The following SPARC variants were observed in gnomAD, a reference collection of about 807,000 sequenced individuals.
SPARC encodes the protein secreted protein acidic and cysteine rich, also known as basement-membrane protein 40.
Under a neutral mutation model 37.7 loss-of-function variants are expected in SPARC, and 23 were observed. The ratio of observed to expected loss-of-function variants is 0.61; its 90% CI spans 0.44 to 0.87. The LOEUF (loss-of-function observed/expected upper bound fraction) is 0.87, where lower values mean the gene tolerates loss of function less well. Among genes scored for constraint, SPARC ranks in the 40% least tolerant of loss-of-function variants. SPARC has a pLI of 0.00. For synonymous variants in SPARC, 155 were observed against 150.8 expected (o/e 1.03, Z -0.20); for missense variants, 312 against 389.0 (o/e 0.80, Z 1.66).
Position 151,675,470 on chromosome 5 carries a change from C to G in SPARC, c.57+662G>C, listed in dbSNP as rs1369706707. Among the ~76,000 whole-genome samples, 6 of 152,228 alleles carry G rather than the reference C, an allele frequency of 3.9e-5. 1 individual carries two copies. Among genetic ancestry groups the G allele is most frequent in the Admixed American group, 1.3e-4 (2 of 15,290 alleles). ...CTGGCCAAGAAGCTGGCTCAGGACC[C>G]AAGCTCAGCCAGATTGGCTCTCATT... On this transcript the variant is annotated intron_variant, in intron 2 of 9. Coordinates refer to ENST00000231061, the MANE Select transcript of SPARC (RefSeq NM_003118.4).
intron 1 of SPARC, among the ~76,000 whole-genome samples, chr5:151,680,253 G>T: frequency 2.2e-5 from 2 of 89,466 alleles, no homozygotes; most frequent in East Asian, 6.0e-4. Context: ...TTGAGACACG[G>T]TCTCCCTCTG....
chr5:151,685,412 C>CTT (rs1761111774), intron 1 of SPARC, among the ~76,000 whole-genome samples: 6 of 139,366 alleles, frequency 4.3e-5, no homozygotes, highest in African/African-American at 1.7e-4. Context: ...TCTCTCTCTC[C>CTT]CTCTCTCTCT....
intron 6 of SPARC, among the ~76,000 whole-genome samples, chr5:151,668,475 C>A (rs1183715899): frequency 2.6e-5 from 4 of 152,126 alleles, no homozygotes; most frequent in Non-Finnish European, 5.9e-5. Flanking sequence ...TTGTACTGGA[C>A]TTATTAGAGG....
In SPARC at chr5:151,663,466, C is replaced by A; in HGVS notation, c.*105G>T. The A allele has an allele frequency of 9.0e-7, 1 of 1,115,162 alleles. No homozygotes were observed. The highest frequency in any genetic ancestry group is 1.4e-6 in the Non-Finnish European group (1 of 736,254). The allele number at this position is 1,115,162 out of a possible 1,614,324, so 69.1% of individuals were successfully genotyped here. ...GTATTCACTTAAATCTATGTTAGCA[C>A]CTTGTCTCCAGGCAGAACAACAAAC... On this transcript the variant is annotated 3_prime_UTR_variant, in exon 10 of 10. Transcript: ENST00000231061.
rs375269220 is a variant in SPARC at position 151,676,309 on chromosome 5, T to A, written c.-13-108A>T. 3.1e-3 allele frequency: 2,248 copies of A among 730,622 alleles called. 7 individuals are homozygous for A. The highest frequency in any genetic ancestry group is 3.9e-3 in the Non-Finnish European group (1,690 of 432,638). The allele number at this position is 730,622 out of a possible 1,614,324, so 45.3% of individuals were successfully genotyped here. A position where few individuals can be genotyped will look rare whatever the true frequency, so the allele number is the denominator to read the frequency against. On this transcript the variant is annotated intron_variant, in intron 1 of 9. Coordinates refer to ENST00000231061, the MANE Select transcript of SPARC (RefSeq NM_003118.4). The stretch of plus-strand genomic sequence containing the variant: ...ATAATGTTAGATGGTACAAGTTAAA[T>A]GATAGTGAAAAACATGAGGAGGTTG...
chr5:151,663,684 A>T (rs1760562821), intron 9 of SPARC, 85 bp from the exon 10 acceptor site: 1 of 1,364,212 alleles, frequency 7.3e-7, no homozygotes, highest in Non-Finnish European at 1.0e-6. Context: ...ACTCCCACCC[A>T]TCCCCAGGGG....
chr5:151,671,548 C>G, intron 5 of SPARC, 25 bp downstream of exon 5: 2 of 1,545,298 alleles, frequency 1.3e-6, no homozygotes, highest in Non-Finnish European at 1.7e-6. Flanking sequence ...ATCCCTTCCC[C>G]CTGCCCCTGT....
chr5:151,668,830 C>G (rs1471020270), intron 6 of SPARC, among the ~76,000 whole-genome samples: 1 of 152,174 alleles, frequency 6.6e-6, no homozygotes. Flanking sequence ...TTCTCAATTT[C>G]ATACCTGGGG....
Position 151,664,214 on chromosome 5 carries a change from C to T in SPARC, c.756G>A (p.Leu252=), listed in dbSNP as rs1760576898. Residue 252 remains leucine, a synonymous_variant, in exon 9 of 10, where the codon CTG becomes CTA. Transcript: ENST00000231061. ...GGATGAGGGGAGCACGCAGTGGAGC[C>T]AGCTCGGTGTGGGAGAGGTACCTGC... The part of the protein sequence containing the change: ...PIDGYLSHTE[L]APLRAPLIPM... The T allele has an allele frequency of 1.9e-6, 3 of 1,614,076 alleles. No homozygotes were observed. In the East Asian group the frequency reaches 6.7e-5, roughly 36 times the overall value.
At chr5:151,681,406 C>G (rs1488733219) in intron 1 of SPARC, among the ~76,000 whole-genome samples, 1 of 152,322 alleles carries the variant, frequency 6.6e-6, no homozygotes, top group Admixed American at 6.5e-5. Context: ...AGGGGAGTCT[C>G]CTCTGCTCTC....
chr5:151,667,374 G>T, intron 7 of SPARC, 93 bp downstream of exon 7: 2 of 1,465,860 alleles, frequency 1.4e-6, no homozygotes, highest in Non-Finnish European at 1.9e-6. Context: ...ACGCTCCGGA[G>T]CAGGATGCCG....
intron 2 of SPARC, among the ~76,000 whole-genome samples, chr5:151,675,249 G>A (rs1033375634): frequency 6.6e-6 from 1 of 152,204 alleles, no homozygotes; most frequent in East Asian, 1.9e-4. Context: ...AAGATTGCCA[G>A]GGTCTGCCAT....
chr5:151,663,695 C>T, intron 9 of SPARC, 96 bp from the exon 10 acceptor site: 1 of 1,288,618 alleles, frequency 7.8e-7, no homozygotes, highest in Non-Finnish European at 1.1e-6. Flanking sequence ...TCCCCAGGGG[C>T]AGGGGTCTAG....
chr5:151,671,009 A>C (rs1446864487), intron 5 of SPARC, among the ~76,000 whole-genome samples: 1 of 152,176 alleles, frequency 6.6e-6, no homozygotes, highest in Non-Finnish European at 1.5e-5. Context: ...AAAAATATTT[A>C]CTTGGACGGA....
chr5:151,668,763 G>A (rs1760684087), intron 6 of SPARC, among the ~76,000 whole-genome samples: 2 of 152,100 alleles, frequency 1.3e-5, no homozygotes, highest in South Asian at 4.1e-4. Flanking sequence ...TAGTCTTGCT[G>A]CCCAGGGACT....
chr5:151,661,198 T>C lies in SPARC; in HGVS notation c.*2373A>G, dbSNP rs905734276. 6.6e-6 allele frequency: 1 copy of C among 152,178 alleles called. No individual in the cohort carries two copies. Among genetic ancestry groups the C allele is most frequent in the Non-Finnish European group, 1.5e-5 (1 of 68,042 alleles). 9.4% of individuals were successfully genotyped at this position (152,178 alleles called of 1,614,324 possible). ...TCTGCCTGCTAGAATGTTAGAAAGC[T>C]CCAGGGGAGCAAGGATCACGCACGC... On this transcript the variant is annotated 3_prime_UTR_variant, in exon 10 of 10. Coordinates refer to ENST00000231061, the MANE Select transcript of SPARC (RefSeq NM_003118.4).
At chr5:151,683,535 T>C (rs533424862) in intron 1 of SPARC, among the ~76,000 whole-genome samples, 1 of 152,212 alleles carries the variant, frequency 6.6e-6, no homozygotes, top group Non-Finnish European at 1.5e-5. Context: ...CTCTGAGACA[T>C]AGAGGTGGTT....
intron 5 of SPARC, among the ~76,000 whole-genome samples, chr5:151,671,063 T>G (rs577758356): frequency 6.6e-6 from 1 of 152,326 alleles, no homozygotes; most frequent in South Asian, 2.1e-4. Flanking sequence ...TGAGAGATAA[T>G]TTAAAATTAA....
intron 9 of SPARC, 111 bp downstream of exon 9, chr5:151,663,976 G>C: frequency 7.7e-7 from 1 of 1,294,672 alleles, no homozygotes; most frequent in East Asian, 2.3e-5. Context: ...GACAGGCAGA[G>C]AGGACAGACA....
Sources: gnomAD v4.1 joint callset for allele counts (sites outside exome capture counted in the v4.1 genomes callset) on GRCh38, gnomAD v4.1.1 for gene constraint, MANE v1.5 for transcripts, NCBI Gene and HGNC (gene_info 2026-07-23, HGNC 2026-07-21) for gene names.